Variants in NSD1 observed in about 807,000 individuals in gnomAD.
The protein encoded by NSD1 is histone-lysine N-methyltransferase, H3 lysine-36 specific.
In NSD1, 26 loss-of-function variants were observed where a neutral mutation model predicts 242.7. That is an observed-to-expected ratio of 0.11 (90% CI 0.08 to 0.15). The LOEUF (loss-of-function observed/expected upper bound fraction) is 0.15, where lower values mean the gene tolerates loss of function less well. Ranked by LOEUF, NSD1 falls within the 10% of genes least tolerant of loss-of-function variation. The pLI is 1.00. For synonymous variants in NSD1, 1,106 were observed against 1,178.1 expected, an observed-to-expected ratio of 0.94 and a Z score of 1.25; for missense variants, 2,495 against 3,272.8, an observed-to-expected ratio of 0.76 and a Z score of 5.80.
At chr5:177,282,998 G>A (rs1581533417) in intron 19 of NSD1, among the ~76,000 whole-genome samples, 1 of 152,146 alleles carries the variant, frequency 6.6e-6, no homozygotes, top group East Asian at 1.9e-4. Flanking sequence ...CTGTCACCCA[G>A]GCTGGAGTAC....
At chr5:177,192,490 G>T (rs538899155) in intron 3 of NSD1, among the ~76,000 whole-genome samples, 2 of 152,138 alleles carry the variant, frequency 1.3e-5, no homozygotes, top group East Asian at 3.9e-4. Flanking sequence ...TCTGCCTCCC[G>T]GGTTCAAGCA....
chr5:177,246,411 AT>A (rs1766297997), intron 9 of NSD1, among the ~76,000 whole-genome samples: 1 of 152,186 alleles, frequency 6.6e-6, no homozygotes, highest in Admixed American at 6.5e-5. Flanking sequence ...AAGATTTGTC[AT>A]TTCAATCATA....
chr5:177,236,076 A>G (rs1765415951), intron 6 of NSD1, 131 bp downstream of exon 6: 3 of 936,828 alleles, frequency 3.2e-6, no homozygotes, highest in East Asian at 2.5e-5. Flanking sequence ...CTCAGCTTCT[A>G]GCACAGTACT....
Position 177,134,200 on chromosome 5 carries a change from G to A in NSD1, c.-18+248G>A, listed in dbSNP as rs1756102224. On this transcript the variant is annotated intron_variant, in intron 1 of 22. Coordinates refer to ENST00000439151, the MANE Select transcript of NSD1 (RefSeq NM_022455.5). The surrounding 1 kb of genome is among the most constrained non-coding windows in gnomAD (Gnocchi z 4.2). ...CGAACTTCCTCCCGGCGCGGCCCGTGCCCCGCCGGCCGCCTGCGAACACCT... is the reference window on the plus strand; with the variant it reads ...CGAACTTCCTCCCGGCGCGGCCCGTACCCCGCCGGCCGCCTGCGAACACCT... 6.6e-6 allele frequency: 1 copy of A among 151,520 alleles called. No homozygotes were observed. Among genetic ancestry groups the A allele is most frequent in the African/African-American group, 2.4e-5 (1 of 41,234 alleles). 9.4% of individuals were successfully genotyped at this position (151,520 alleles called of 1,614,324 possible). A position where few individuals can be genotyped will look rare whatever the true frequency, so the allele number is the denominator to read the frequency against.
At chr5:177,228,977 T>C (rs1370237076) in intron 5 of NSD1, among the ~76,000 whole-genome samples, 1 of 152,196 alleles carries the variant, frequency 6.6e-6, no homozygotes, top group East Asian at 1.9e-4. Context: ...AATAGTTGAC[T>C]GTCTCTGTAG....
At chr5:177,271,918 TTGAGACCAGCCTAGCCAAC>T (rs1757970770) in intron 16 of NSD1, among the ~76,000 whole-genome samples, 1 of 152,050 alleles carries the variant, frequency 6.6e-6, no homozygotes, top group African/African-American at 2.4e-5. Context: ...GGTCAGGAGT[TTGAGACCAGCCTAGCCAAC>T]ACATTGAAAC....
rs1043252790 is a variant in NSD1 at position 177,261,647 on chromosome 5, A to G, written c.5146+1479A>G. Among the ~76,000 whole-genome samples the G allele has an allele frequency of 7.9e-5, 12 of 152,074 alleles. 1 individual carries two copies. Among genetic ancestry groups the G allele is most frequent in the Admixed American group, 7.9e-4 (12 of 15,268 alleles). Reference sequence around the variant, plus strand: ...CATCATTTGCCTTTGTACTAGAAGGATATCTAGTACAAAGGTAAATGATAC... The same window carrying G: ...CATCATTTGCCTTTGTACTAGAAGGGTATCTAGTACAAAGGTAAATGATAC... On this transcript the variant is annotated intron_variant, in intron 14 of 22. Transcript: ENST00000439151.
chr5:177,295,061 C>G lies in NSD1; in HGVS notation c.7693C>G (p.Gln2565Glu), dbSNP rs771051653. The G allele has an allele frequency of 6.2e-7, 1 of 1,613,046 alleles. No homozygotes were observed. Among genetic ancestry groups the G allele is most frequent in the South Asian group, 1.1e-5 (1 of 90,942 alleles). The change falls in exon 23 of 23, where the codon CAG becomes GAG. Residue 2565 changes from glutamine (Q) to glutamate (E), a missense_variant. Physicochemically the swap from Gln to Glu is conservative, Grantham distance 29. This residue lies in a region of NSD1 where 475 missense variants were observed against 563.7 expected (regional missense o/e 0.84). Coordinates refer to ENST00000439151, the MANE Select transcript of NSD1 (RefSeq NM_022455.5). This position sits in a 1 kb window ranked among gnomAD's most constrained non-coding sequence, Gnocchi z 4.3. ...ASGRASAGAE[Q>E]TPGPLSQSPG... Reference sequence around the variant, plus strand: ...AGGAAGAGCTTCTGCAGGGGCTGAGCAGACCCCAGGGCCTCTTAGCCAATC... The same window carrying G: ...AGGAAGAGCTTCTGCAGGGGCTGAGGAGACCCCAGGGCCTCTTAGCCAATC...
At chr5:177,217,985 T>TG (rs1237221302) in intron 5 of NSD1, among the ~76,000 whole-genome samples, 1 of 152,068 alleles carries the variant, frequency 6.6e-6, no homozygotes, top group Non-Finnish European at 1.5e-5. Context: ...GTGATATGGC[T>TG]CACTGCAGCC....
chr5:177,135,485 C>T lies in NSD1; in HGVS notation c.382C>T (p.Gln128Ter). ...TGGTCCTACAGCACTTGCTATGAAA[C>T]AGGAACCCTCTTGTAATAACTCCCC... is the stretch of plus-strand genomic sequence containing the variant. ...PGGPTALAMKQEPSCNNSPEL... is the reference protein window; with the variant it reads ...PGGPTALAMK The change falls in exon 2 of 23, where the codon CAG becomes TAG. Residue 128 changes from glutamine (Q) to a stop codon, truncating the protein, a stop_gained. Transcript: ENST00000439151. LOFTEE classifies it high-confidence loss of function. The T allele has an allele frequency of 6.2e-7, 1 of 1,614,178 alleles. No individual in the cohort carries two copies.
chr5:177,218,162 C>T (rs1763935531), intron 5 of NSD1, among the ~76,000 whole-genome samples: 1 of 152,160 alleles, frequency 6.6e-6, no homozygotes, highest in Admixed American at 6.6e-5. Flanking sequence ...ATCCTCCCAC[C>T]TCAGCATCCC....
chr5:177,189,137 T>G (rs1761476119), intron 2 of NSD1, among the ~76,000 whole-genome samples: 2 of 152,344 alleles, frequency 1.3e-5, no homozygotes, highest in East Asian at 1.9e-4. Flanking sequence ...GAATTATTTT[T>G]GGGGCTTAAA....
intron 21 of NSD1, among the ~76,000 whole-genome samples, chr5:177,289,346 C>T (rs529927475): frequency 6.6e-6 from 1 of 152,008 alleles, no homozygotes; most frequent in African/African-American, 2.4e-5. Flanking sequence ...AATTCAATGA[C>T]ATTGAATAGG....
rs750009132 is a variant in NSD1, at chr5:177,211,325, G to T, written c.2926G>T (p.Ala976Ser). Reference protein sequence around the residue: ...EKKGDGTQNSANPSPSGGDSA... With the variant: ...EKKGDGTQNSSNPSPSGGDSA... The stretch of plus-strand genomic sequence containing the variant: ...AAAGGGAGATGGCACTCAGAACTCC[G>T]CCAATCCTAGCCCTAGTGGGGGTGA... Residue 976 changes from alanine to serine, a missense_variant, in exon 5 of 23, where the codon GCC becomes TCC. By Grantham distance (99) the Ala-to-Ser change is moderately conservative (BLOSUM62 1). Transcript: ENST00000439151. 1.9e-6 allele frequency: 3 copies of T among 1,614,084 alleles called. No individual in the cohort carries two copies. Among genetic ancestry groups the T allele is most frequent in the Admixed American group, 1.7e-5 (1 of 60,000 alleles).
Position 177,207,638 on chromosome 5 carries a change from C to T in NSD1, c.1237-1998C>T, listed in dbSNP as rs868053563. 1.2e-3 allele frequency among the ~76,000 whole-genome samples: 133 copies of T among 109,352 alleles called. 1 individual carries two copies. The highest frequency in any genetic ancestry group is 5.0e-3 in the African/African-American group (126 of 25,228). 71.7% of individuals were successfully genotyped at this position (109,352 alleles called of 152,430 possible). On this transcript the variant is annotated intron_variant, in intron 4 of 22. Coordinates refer to ENST00000439151, the MANE Select transcript of NSD1 (RefSeq NM_022455.5). ...TTTTTTTTTTAGAGAAGGGGTGGGTCTCCCTGTGTTTCCCAGGCTGGGCTA... is the reference window on the plus strand; with the variant it reads ...TTTTTTTTTTAGAGAAGGGGTGGGTTTCCCTGTGTTTCCCAGGCTGGGCTA...
At chr5:177,252,797 C>CTTTT (rs758066435) in intron 12 of NSD1, among the ~76,000 whole-genome samples, 1 of 144,592 alleles carries the variant, frequency 6.9e-6, no homozygotes, top group Non-Finnish European at 1.5e-5. Context: ...CTCTCTCTCC[C>CTTTT]TTTTTTTTTT....
At chr5:177,284,930 T>C (rs139553683) in intron 20 of NSD1, among the ~76,000 whole-genome samples, 50 of 152,300 alleles carry the variant, frequency 3.3e-4, no homozygotes, top group African/African-American at 1.2e-3. Context: ...GTGAGAACTC[T>C]GACTCTTAAA....
At chr5:177,159,114 C>T (rs1758513627) in intron 2 of NSD1, among the ~76,000 whole-genome samples, 1 of 147,708 alleles carries the variant, frequency 6.8e-6, no homozygotes, top group Admixed American at 6.7e-5. Flanking sequence ...GCCATTTTGG[C>T]TTATGGCAGC....
At chr5:177,233,671 G>C (rs1765230835) in intron 5 of NSD1, among the ~76,000 whole-genome samples, 1 of 151,706 alleles carries the variant, frequency 6.6e-6, no homozygotes. Flanking sequence ...TAACAGAAAG[G>C]CATGGATATC....
Sources: allele counts gnomAD v4.1 joint callset (sites outside exome capture counted in the v4.1 genomes callset), GRCh38; gene constraint gnomAD v4.1.1; regional missense constraint gnomAD v4.1.1; non-coding constraint Gnocchi (gnomAD v3.1); transcripts MANE v1.5; gene names NCBI Gene and HGNC (gene_info 2026-07-23, HGNC 2026-07-21).